Variants in DCHS2 observed in about 807,000 individuals in gnomAD.
DCHS2 encodes protocadherin-23.
DCHS2 carries 142 observed loss-of-function variants against 182.4 expected under a neutral mutation model. The observed-to-expected ratio is 0.78, with a 90% CI of 0.68 to 0.89. DCHS2 has a LOEUF of 0.89. Ranked by LOEUF, DCHS2 falls within the 40% of genes least tolerant of loss-of-function variation. The pLI is 0.00. For missense variants in DCHS2, 4,319 were observed against 4,198.6 expected, an observed-to-expected ratio of 1.03 and a Z score of -0.79; for synonymous variants, 1,740 against 1,663.3, an observed-to-expected ratio of 1.05 and a Z score of -1.12.
At chr4:154,373,202 G>A (rs767606049) in intron 2 of DCHS2, among the ~76,000 whole-genome samples, 40 of 152,244 alleles carry the variant, frequency 2.6e-4, no homozygotes, top group Non-Finnish European at 3.8e-4. Flanking sequence ...GCTTTCAGGG[G>A]AAGACTACTG....
At chr4:154,413,320 G>A (rs1327429079) in intron 1 of DCHS2, among the ~76,000 whole-genome samples, 1 of 152,080 alleles carries the variant, frequency 6.6e-6, no homozygotes, top group Non-Finnish European at 1.5e-5. Context: ...GTTCTCAAAT[G>A]TTAAGAGTTA....
intron 2 of DCHS2, among the ~76,000 whole-genome samples, chr4:154,375,517 G>T (rs1052675517): frequency 4.0e-5 from 6 of 151,834 alleles, no homozygotes; most frequent in Non-Finnish European, 8.8e-5. Flanking sequence ...ATGAATAAAG[G>T]ATTTTCTTCT....
intron 2 of DCHS2, among the ~76,000 whole-genome samples, chr4:154,369,865 C>G (rs1188856986): frequency 6.6e-6 from 1 of 152,170 alleles, no homozygotes; most frequent in Non-Finnish European, 1.5e-5. Flanking sequence ...AAGCTCCAAG[C>G]TTGAAAACAT....
At chr4:154,249,895 GGGGA>G (rs1560983436) in intron 16 of DCHS2, among the ~76,000 whole-genome samples, 2 of 151,950 alleles carry the variant, frequency 1.3e-5, no homozygotes, top group African/African-American at 2.4e-5. Flanking sequence ...AACTGCTGAG[GGGGA>G]GGGAGGGAGG....
At chr4:154,290,293 G>C (rs1734594931) in intron 13 of DCHS2, among the ~76,000 whole-genome samples, 1 of 151,742 alleles carries the variant, frequency 6.6e-6, no homozygotes. Context: ...AAATTGAGGA[G>C]GCTTCACAAA....
intron 1 of DCHS2, among the ~76,000 whole-genome samples, chr4:154,478,331 G>T (rs2111031711): frequency 6.6e-6 from 1 of 152,218 alleles, no homozygotes; most frequent in Non-Finnish European, 1.5e-5. Context: ...TACGCCTACT[G>T]AAACCTACCC....
intron 1 of DCHS2, among the ~76,000 whole-genome samples, chr4:154,419,506 C>T (rs1404574000): frequency 6.6e-6 from 1 of 151,592 alleles, no homozygotes; most frequent in East Asian, 1.9e-4. Flanking sequence ...CAAAAGTTAG[C>T]CGGGTGTGGT....
At chr4:154,447,785 T>C (rs1734363693) in intron 1 of DCHS2, among the ~76,000 whole-genome samples, 1 of 152,186 alleles carries the variant, frequency 6.6e-6, no homozygotes, top group African/African-American at 2.4e-5. Context: ...TTTAGATAAT[T>C]TTTATGTAAC....
intron 1 of DCHS2, among the ~76,000 whole-genome samples, chr4:154,451,147 A>G (rs1734517589): frequency 6.6e-6 from 1 of 152,168 alleles, no homozygotes; most frequent in Admixed American, 6.5e-5. Flanking sequence ...TTCTTGGGCC[A>G]AAGGATCTGG....
Position 154,259,591 on chromosome 4 carries a change from T to C in DCHS2, c.6743A>G (p.Gln2248Arg). Reference protein sequence around the residue: ...NSPCFEQSIYQASVSESQLYN... With the variant: ...NSPCFEQSIYRASVSESQLYN... ...GAGTTGGCTTTCAGACACTGATGCC[T>C]GGTAAATGCTTTGTTCAAAGCATGG... Residue 2248 changes from glutamine (Q) to arginine (R), a missense_variant, in exon 15 of 20, where the codon CAG becomes CGG. Gln to Arg is a conservative substitution (Grantham distance 43). Coordinates refer to ENST00000357232, the MANE Select transcript of DCHS2 (RefSeq NM_001358235.2). 2 of 1,613,916 alleles carry C rather than the reference T, an allele frequency of 1.2e-6. No individual in the cohort carries two copies. Among genetic ancestry groups the C allele is most frequent in the Non-Finnish European group, 1.7e-6 (2 of 1,179,994 alleles).
At chr4:154,374,940 G>A (rs933101215) in intron 2 of DCHS2, among the ~76,000 whole-genome samples, 3 of 152,234 alleles carry the variant, frequency 2.0e-5, no homozygotes, top group South Asian at 4.1e-4. Context: ...AATTGAACAC[G>A]TTGTTTCTAA....
intron 1 of DCHS2, 49 bp downstream of exon 1, chr4:154,489,255 C>G (rs9999285): frequency 0.29 from 409,293 of 1,407,276 alleles, 60,880 homozygotes; most frequent in Non-Finnish European, 0.31. Context: ...ACAACCCTCT[C>G]CATCCCTTCC....
intron 3 of DCHS2, among the ~76,000 whole-genome samples, chr4:154,350,834 T>C (rs1157525732): frequency 6.6e-6 from 1 of 152,214 alleles, no homozygotes; most frequent in East Asian, 1.9e-4. Flanking sequence ...TAATATTATT[T>C]TTGACCTTTA....
intron 3 of DCHS2, among the ~76,000 whole-genome samples, chr4:154,336,247 T>C (rs1001261274): frequency 6.6e-6 from 1 of 152,152 alleles, no homozygotes; most frequent in Non-Finnish European, 1.5e-5. Context: ...ATGGCTAAGT[T>C]GGGAAGAGAT....
intron 1 of DCHS2, among the ~76,000 whole-genome samples, chr4:154,469,492 T>C (rs1474429718): frequency 6.6e-6 from 1 of 152,228 alleles, no homozygotes; most frequent in Non-Finnish European, 1.5e-5. Context: ...TATTCTGTGA[T>C]GTAGTGAATG....
chr4:154,308,573 C>T (rs1277769562), intron 10 of DCHS2, among the ~76,000 whole-genome samples: 1 of 152,164 alleles, frequency 6.6e-6, no homozygotes, highest in Admixed American at 6.6e-5. Context: ...GAATAGTTAC[C>T]TTGGACCTCA....
Position 154,471,475 on chromosome 4 carries a change from A to G in DCHS2, c.2052+17829T>C, listed in dbSNP as rs2111018684. ...TATTTTCAAGGTCAGCTATAACAAG[A>G]GTTATGTCTATAACTGAGTTAGAAA... On this transcript the variant is annotated intron_variant, in intron 1 of 19. Coordinates refer to ENST00000357232, the MANE Select transcript of DCHS2 (RefSeq NM_001358235.2). Among the ~76,000 whole-genome samples, 2 of 152,238 alleles carry G rather than the reference A, an allele frequency of 1.3e-5. 1 individual carries two copies. Among genetic ancestry groups the G allele is most frequent in the Middle Eastern group, 6.8e-3 (2 of 294 alleles).
chr4:154,459,086 G>A (rs1042278934), intron 1 of DCHS2, among the ~76,000 whole-genome samples: 12 of 152,122 alleles, frequency 7.9e-5, no homozygotes, highest in African/African-American at 2.9e-4. Flanking sequence ...ATGGAGGCCA[G>A]AATTTTAAAG....
At chr4:154,368,178 T>C (rs1730478520) in intron 2 of DCHS2, among the ~76,000 whole-genome samples, 1 of 152,180 alleles carries the variant, frequency 6.6e-6, no homozygotes, top group African/African-American at 2.4e-5. Flanking sequence ...GTAACCTGTA[T>C]GTCTCCAGGT....
Sources: allele counts gnomAD v4.1 joint callset (sites outside exome capture counted in the v4.1 genomes callset), GRCh38; gene constraint gnomAD v4.1.1; transcripts MANE v1.5; gene names NCBI Gene and HGNC (gene_info 2026-07-23, HGNC 2026-07-21).